MAP3K13: variants seen among roughly 807,000 people sequenced by gnomAD.
MAP3K13 encodes the protein leucine zipper-bearing kinase.
Under a neutral mutation model 104.0 loss-of-function variants are expected in MAP3K13, and 52 were observed. That is an observed-to-expected ratio of 0.50 (90% confidence interval 0.40 to 0.63). MAP3K13 has a LOEUF of 0.63. Among genes scored for constraint, MAP3K13 ranks in the 20% least tolerant of loss-of-function variants. The pLI, the probability that MAP3K13 is intolerant of heterozygous loss-of-function variation, is 0.00. For missense variants in MAP3K13, 914 were observed against 1,218.5 expected (o/e 0.75, Z 3.72); for synonymous variants, 394 against 442.2 (o/e 0.89, Z 1.37).
At chr3:185,447,644 C>G in intron 4 of MAP3K13, 145 bp from the exon 5 acceptor site, 1 of 602,958 alleles carries the variant, frequency 1.7e-6, no homozygotes. Context: ...TAGTGTATAG[C>G]CAATGCCCCA....
chr3:185,365,720 G>A (rs1185215684), intron 1 of MAP3K13, among the ~76,000 whole-genome samples: 2 of 152,006 alleles, frequency 1.3e-5, no homozygotes, highest in Non-Finnish European at 2.9e-5. Flanking sequence ...GTAAGAATAT[G>A]GGGGAGAAAA....
At chr3:185,375,403 T>C (rs776638657) in intron 1 of MAP3K13, among the ~76,000 whole-genome samples, 2 of 152,150 alleles carry the variant, frequency 1.3e-5, no homozygotes, top group African/African-American at 2.4e-5. Context: ...TGAGAAGTGA[T>C]TTCCTTGAGG....
At chr3:185,416,207 T>A (rs1713762453) in intron 1 of MAP3K13, among the ~76,000 whole-genome samples, 1 of 152,136 alleles carries the variant, frequency 6.6e-6, no homozygotes, top group African/African-American at 2.4e-5. Context: ...CCCGTTCCCC[T>A]CTTCTTAGCT....
intron 1 of MAP3K13, among the ~76,000 whole-genome samples, chr3:185,382,427 T>C (rs1200575089): frequency 6.6e-6 from 1 of 152,132 alleles, no homozygotes; most frequent in Non-Finnish European, 1.5e-5. Flanking sequence ...TATGATGTAG[T>C]GATAAGAGAC....
At chr3:185,460,883 C>G (rs1007550840) in intron 7 of MAP3K13, among the ~76,000 whole-genome samples, 18 of 152,186 alleles carry the variant, frequency 1.2e-4, no homozygotes, top group African/African-American at 3.9e-4. Flanking sequence ...TAAAACAAAT[C>G]TCATCTGTGA....
At chr3:185,381,164 T>C (rs1318881582) in intron 1 of MAP3K13, among the ~76,000 whole-genome samples, 3 of 152,094 alleles carry the variant, frequency 2.0e-5, no homozygotes, top group African/African-American at 7.2e-5. Flanking sequence ...AGTTTCACCA[T>C]GTTGGCCAGG....
upstream of MAP3K13, among the ~76,000 whole-genome samples, chr3:185,360,937 A>G (rs747716469): frequency 2.7e-5 from 4 of 146,348 alleles, no homozygotes; most frequent in Non-Finnish European, 5.9e-5. Flanking sequence ...AGCGATTCTC[A>G]TGCCTCAGCT....
intron 2 of MAP3K13, among the ~76,000 whole-genome samples, chr3:185,296,850 T>C (rs566720469): frequency 6.6e-6 from 1 of 152,350 alleles, no homozygotes; most frequent in Non-Finnish European, 1.5e-5. Flanking sequence ...ATATCCTGCC[T>C]TGTTCTAAAA....
intron 2 of MAP3K13, among the ~76,000 whole-genome samples, chr3:185,307,541 A>C (rs1252909410): frequency 0.015 from 1,057 of 70,680 alleles, 1 homozygote; most frequent in African/African-American, 0.03. Flanking sequence ...TTGGTGCACC[A>C]CCCCCTCCCC....
At chr3:185,458,447 C>T (rs1398798059) in intron 7 of MAP3K13, among the ~76,000 whole-genome samples, 1 of 151,564 alleles carries the variant, frequency 6.6e-6, no homozygotes, top group Non-Finnish European at 1.5e-5. Context: ...ACAAAGGTGC[C>T]ATTATTCACC....
chr3:185,438,480 T>C (rs1415204407), intron 3 of MAP3K13, among the ~76,000 whole-genome samples: 1 of 152,190 alleles, frequency 6.6e-6, no homozygotes, highest in Non-Finnish European at 1.5e-5. Context: ...TTCCTAGATC[T>C]CCTTCCAAGC....
At chr3:185,380,187 A>AAAAACAAAAC (rs71162302) in intron 1 of MAP3K13, among the ~76,000 whole-genome samples, 38,970 of 142,662 alleles carry the variant, frequency 0.27, 5,254 homozygotes, top group African/African-American at 0.32. Context: ...CTCCGTCTCA[A>AAAAACAAAAC]AAAACAAAAC....
chr3:185,338,776 G>A (rs1394298579), intron 2 of MAP3K13, among the ~76,000 whole-genome samples: 16 of 151,896 alleles, frequency 1.1e-4, no homozygotes, highest in Non-Finnish European at 2.9e-5. Flanking sequence ...GGGAATAATT[G>A]TGATGGCAGT....
intron 7 of MAP3K13, among the ~76,000 whole-genome samples, chr3:185,453,491 T>C (rs1463405297): frequency 6.6e-6 from 1 of 152,056 alleles, no homozygotes; most frequent in Admixed American, 6.6e-5. Context: ...GCATCATCCC[T>C]GGGAGCTGAA....
At chr3:185,356,868 AT>A (rs1428552288) in intron 2 of MAP3K13, among the ~76,000 whole-genome samples, 1 of 70,884 alleles carries the variant, frequency 1.4e-5, no homozygotes, top group East Asian at 3.9e-4. Context: ...GACTTCATGT[AT>A]GTATGTATGT....
intron 1 of MAP3K13, among the ~76,000 whole-genome samples, chr3:185,416,524 T>G (rs1713780612): frequency 6.6e-6 from 1 of 152,078 alleles, no homozygotes; most frequent in Non-Finnish European, 1.5e-5. Context: ...TGAATCCAGG[T>G]CTATCTTCCT....
intron 1 of MAP3K13, among the ~76,000 whole-genome samples, chr3:185,409,433 A>G (rs1328821150): frequency 6.6e-6 from 1 of 152,196 alleles, no homozygotes; most frequent in Non-Finnish European, 1.5e-5. Flanking sequence ...CAAAACCACA[A>G]TGAGATATCA....
intron 1 of MAP3K13, among the ~76,000 whole-genome samples, chr3:185,392,297 C>T (rs772546601): frequency 2.6e-5 from 4 of 152,018 alleles, no homozygotes; most frequent in Non-Finnish European, 5.9e-5. Flanking sequence ...TATAATACAG[C>T]GTGATATGTG....
intron 1 of MAP3K13, among the ~76,000 whole-genome samples, chr3:185,371,158 A>C (rs973581441): frequency 3.3e-5 from 5 of 152,188 alleles, no homozygotes; most frequent in African/African-American, 1.2e-4. Flanking sequence ...TTTTGTCAAA[A>C]AAAAAAGATA....
Sources: gnomAD v4.1 joint callset for allele counts (sites outside exome capture counted in the v4.1 genomes callset) on GRCh38, gnomAD v4.1.1 for gene constraint, MANE v1.5 for transcripts, NCBI Gene and HGNC (gene_info 2026-07-23, HGNC 2026-07-21) for gene names.